Variants in CCNT2 observed in about 807,000 individuals in gnomAD.
The protein encoded by CCNT2 is cyclin-T2.
Under a neutral mutation model 70.0 loss-of-function variants are expected in CCNT2, and 18 were observed. The observed-to-expected ratio is 0.26, with a 90% confidence interval of 0.18 to 0.38. The LOEUF is 0.38. Among genes scored for constraint, CCNT2 ranks in the 10% least tolerant of loss-of-function variants. CCNT2 has a pLI of 1.00. For synonymous variants in CCNT2, 334 were observed against 313.3 expected (o/e 1.07, Z -0.70); for missense variants, 734 against 890.2 (o/e 0.82, Z 2.23).
chr2:134,937,107 C>A, intron 3 of CCNT2, 138 bp downstream of exon 3: 1 of 536,404 alleles, frequency 1.9e-6, no homozygotes, highest in Non-Finnish European at 3.3e-6. Flanking sequence ...GAATGCAATG[C>A]CAGGAAGCAG....
At chr2:134,943,903 G>A (rs891307878) in intron 5 of CCNT2, 3 of 968,478 alleles carry the variant, frequency 3.1e-6, no homozygotes, top group Non-Finnish European at 3.7e-6. Context: ...AAATGAGTAC[G>A]ACTTTTGAAA....
intron 2 of CCNT2, among the ~76,000 whole-genome samples, chr2:134,931,154 G>A (rs1488515939): frequency 1.3e-5 from 2 of 151,476 alleles, no homozygotes; most frequent in Non-Finnish European, 1.5e-5. Context: ...AGTAGAGACG[G>A]GGTTTCACCG....
In CCNT2 at chr2:134,956,133, G is replaced by A. The variant is rs3769023; in HGVS notation, c.*1485G>A. The A allele has an allele frequency of 0.57, 86,576 of 152,414 alleles. 26,078 individuals are homozygous for A. The highest frequency in any genetic ancestry group is 0.89 in the Middle Eastern group (262 of 294). 9.4% of individuals were successfully genotyped at this position (152,414 alleles called of 1,614,324 possible). A position where few individuals can be genotyped will look rare whatever the true frequency, so the allele number is the denominator to read the frequency against. On this transcript the variant is annotated 3_prime_UTR_variant, in exon 9 of 9. Coordinates refer to ENST00000264157, the MANE Select transcript of CCNT2 (RefSeq NM_058241.3). ...AGTATATTTGAGATTGATTGGATTC[G>A]ACCTCTTGTTGAACTGAAAACTTAA...
In CCNT2 at chr2:134,942,486, C is replaced by G. The variant is rs1681648939; in HGVS notation, c.431-126C>G. ...GTCATTGGAAAAGTAATGAGAATGTCAGTGATGAGAAACTTATAACTTTGG... is the reference window on the plus strand; with the variant it reads ...GTCATTGGAAAAGTAATGAGAATGTGAGTGATGAGAAACTTATAACTTTGG... On this transcript the variant is annotated intron_variant, in intron 4 of 8. Coordinates refer to ENST00000264157, the MANE Select transcript of CCNT2 (RefSeq NM_058241.3). 5 of 460,782 alleles carry G rather than the reference C, an allele frequency of 1.1e-5. No homozygotes were observed. In the South Asian group the frequency reaches 2.0e-4, roughly 19 times the overall value. 28.5% of individuals were successfully genotyped at this position (460,782 alleles called of 1,614,324 possible). A position where few individuals can be genotyped will look rare whatever the true frequency, so the allele number is the denominator to read the frequency against.
At chr2:134,942,509 T>G (rs958679719) in intron 4 of CCNT2, 103 bp from the exon 5 acceptor site, 13 of 602,380 alleles carry the variant, frequency 2.2e-5, no homozygotes, top group Non-Finnish European at 3.2e-5. Flanking sequence ...CTTATAACTT[T>G]GGATTTTTCT....
intron 4 of CCNT2, among the ~76,000 whole-genome samples, chr2:134,941,402 T>C (rs1159486489): frequency 2.6e-5 from 4 of 152,234 alleles, no homozygotes; most frequent in Admixed American, 2.0e-4. Context: ...ATGATACATA[T>C]ACAAAATATG....
chr2:134,921,303 T>C (rs574191399), intron 2 of CCNT2, among the ~76,000 whole-genome samples: 1 of 152,286 alleles, frequency 6.6e-6, no homozygotes, highest in South Asian at 2.1e-4. Flanking sequence ...CATACTTTTG[T>C]ACTTCCAATA....
chr2:134,942,939 C>G, intron 5 of CCNT2: 1 of 985,150 alleles, frequency 1.0e-6, no homozygotes, highest in Non-Finnish European at 1.2e-6. Flanking sequence ...CTCTATCCAT[C>G]CCCCATTGAG....
At chr2:134,922,801 T>C (rs1680009918) in intron 2 of CCNT2, among the ~76,000 whole-genome samples, 1 of 152,230 alleles carries the variant, frequency 6.6e-6, no homozygotes, top group African/African-American at 2.4e-5. Context: ...TTTTTTCTTA[T>C]ACCAGTTCCA....
chr2:134,932,976 T>C (rs1233439208), intron 2 of CCNT2, among the ~76,000 whole-genome samples: 1 of 152,232 alleles, frequency 6.6e-6, no homozygotes, highest in Non-Finnish European at 1.5e-5. Flanking sequence ...GCTGAATATT[T>C]ATTAATGAAG....
In CCNT2 at chr2:134,954,808, T is replaced by G; in HGVS notation, c.*160T>G. ...TCTTCATTCTGAAAAGAAGAGATTA[T>G]AGTAAACAAGTCTTTATCTCCACAT... is the stretch of plus-strand genomic sequence containing the variant. On this transcript the variant is annotated 3_prime_UTR_variant, in exon 9 of 9. Coordinates refer to ENST00000264157, the MANE Select transcript of CCNT2 (RefSeq NM_058241.3). The G allele has an allele frequency of 1.7e-6, 1 of 595,294 alleles. No homozygotes were observed. Among genetic ancestry groups the G allele is most frequent in the Non-Finnish European group, 3.0e-6 (1 of 335,130 alleles). 36.9% of individuals were successfully genotyped at this position (595,294 alleles called of 1,614,324 possible).
Position 134,953,329 on chromosome 2 carries a change from G to A in CCNT2, c.874G>A (p.Val292Ile). ...CCAGAATTCCATTTTAGTAGATAGT[G>A]TCACTGGTGTGCCTACAAACCCAAG... ...LVQNSILVDS[V>I]TGVPTNPSFQ... The change falls in exon 9 of 9, where the codon GTC becomes ATC. Residue 292 changes from valine (V) to isoleucine (I), a missense_variant. Coordinates refer to ENST00000264157, the MANE Select transcript of CCNT2 (RefSeq NM_058241.3). 6.2e-7 allele frequency: 1 copy of A among 1,610,842 alleles called. No individual in the cohort carries two copies. The highest frequency in any genetic ancestry group is 8.5e-7 in the Non-Finnish European group (1 of 1,178,018).
chr2:134,922,054 T>C (rs1191477463), intron 2 of CCNT2, among the ~76,000 whole-genome samples: 1 of 152,196 alleles, frequency 6.6e-6, no homozygotes, highest in East Asian at 1.9e-4. Flanking sequence ...CTTTTATCTT[T>C]CTTCCCCCCT....
At chr2:134,943,549 A>G (rs1282816545) in intron 5 of CCNT2, 2 of 985,178 alleles carry the variant, frequency 2.0e-6, no homozygotes, top group Non-Finnish European at 2.4e-6. Flanking sequence ...AGAGCATAAT[A>G]CATTTAGTTT....
intron 1 of CCNT2, among the ~76,000 whole-genome samples, chr2:134,919,373 G>A (rs1446351540): frequency 6.6e-6 from 1 of 152,164 alleles, no homozygotes; most frequent in African/African-American, 2.4e-5. Context: ...GAGGTAGGAG[G>A]GTTAGCGATG....
At position 134,918,866 on chromosome 2, in the gene CCNT2, C is replaced by T. The variant is rs370795827; in HGVS notation, c.12C>T (p.Gly4=). ...GAGGAGGAAGTGTCATGGCGTCGGG[C>T]CGTGGAGCTTCTTCTCGCTGGTTCT... is the stretch of plus-strand genomic sequence containing the variant. The part of the protein sequence containing the change: MAS[G]RGASSRWFFT... The change falls in exon 1 of 9, where the codon GGC becomes GGT. Residue 4 remains glycine, a synonymous_variant. Transcript: ENST00000264157. 59 of 1,613,338 alleles carry T rather than the reference C, an allele frequency of 3.7e-5. No homozygotes were observed. In the East Asian group the frequency reaches 9.6e-4, roughly 26 times the overall value.
chr2:134,926,553 C>G (rs1680314470), intron 2 of CCNT2, among the ~76,000 whole-genome samples: 1 of 152,206 alleles, frequency 6.6e-6, no homozygotes, highest in Non-Finnish European at 1.5e-5. Flanking sequence ...AGGTCTCTTG[C>G]ATCCATCTAC....
rs753010305 is a variant in CCNT2, at chr2:134,925,085, A to T, written c.240+5194A>T. ...TTAGATCCCTTAGGCAAGGCTATAG[A>T]TGGTGTTAATGTTCTTTGGTCAGAA... On this transcript the variant is annotated intron_variant, in intron 2 of 8. Transcript: ENST00000264157. 1.4e-4 allele frequency among the ~76,000 whole-genome samples: 21 copies of T among 152,304 alleles called. No individual in the cohort carries two copies. The South Asian group carries it at 4.4e-3, about 32-fold the overall frequency.
chr2:134,932,990 G>A (rs1030901383), intron 2 of CCNT2, among the ~76,000 whole-genome samples: 5 of 152,178 alleles, frequency 3.3e-5, no homozygotes, highest in East Asian at 3.8e-4. Flanking sequence ...AATGAAGTCC[G>A]TTTCAAGGCA....
Sources: gnomAD v4.1 joint callset for allele counts (sites outside exome capture counted in the v4.1 genomes callset) on GRCh38, gnomAD v4.1.1 for gene constraint, MANE v1.5 for transcripts, NCBI Gene and HGNC (gene_info 2026-07-23, HGNC 2026-07-21) for gene names.